KALRN: variants seen among roughly 807,000 people sequenced by gnomAD.
KALRN encodes the protein kalirin.
KALRN carries 70 observed loss-of-function variants against 353.7 expected under a neutral mutation model. The observed-to-expected ratio is 0.20, with a 90% CI of 0.16 to 0.24. The LOEUF (loss-of-function observed/expected upper bound fraction) is 0.24, where lower values mean the gene tolerates loss of function less well. KALRN is among the 10% of genes least tolerant of loss of function. KALRN has a pLI of 1.00. For synonymous variants in KALRN, 1,391 were observed against 1,434.8 expected, an observed-to-expected ratio of 0.97 and a Z score of 0.69; for missense variants, 2,791 against 3,756.7, an observed-to-expected ratio of 0.74 and a Z score of 6.72.
chr3:124,231,437 C>T (rs1422434020), intron 2 of KALRN, among the ~76,000 whole-genome samples: 1 of 152,222 alleles, frequency 6.6e-6, no homozygotes, highest in Non-Finnish European at 1.5e-5. Context: ...GCCTCCCTAT[C>T]TCCCACCAAT....
At chr3:124,221,594 AT>A (rs2077912031) in intron 1 of KALRN, among the ~76,000 whole-genome samples, 1 of 152,134 alleles carries the variant, frequency 6.6e-6, no homozygotes, top group Non-Finnish European at 1.5e-5. Context: ...TTAGAGAGAG[AT>A]TTAAGAGGTA....
At chr3:124,244,890 A>G (rs536277289) in intron 3 of KALRN, among the ~76,000 whole-genome samples, 1 of 152,148 alleles carries the variant, frequency 6.6e-6, no homozygotes, top group South Asian at 2.1e-4. Flanking sequence ...GTACATATTT[A>G]TAGGGTGCAT....
rs904654266 is a variant in KALRN, at chr3:124,724,778, TATG to T, written c.*5310_*5312del. 3.3e-5 allele frequency: 5 copies of T among 152,316 alleles called. No individual in the cohort carries two copies. The highest frequency in any genetic ancestry group is 3.3e-4 in the Admixed American group (5 of 15,304). The allele number at this position is 152,316 out of a possible 1,614,324, so 9.4% of individuals were successfully genotyped here. A position where few individuals can be genotyped will look rare whatever the true frequency, so the allele number is the denominator to read the frequency against. On this transcript the variant is annotated 3_prime_UTR_variant, in exon 60 of 60. Transcript: ENST00000682506. Reference sequence around the variant, plus strand: ...GCATTTCTTCCTCATCTTCAATAAATATGAAGAAGTTAGAGGAGAGGAAAAAGC... The same window carrying T: ...GCATTTCTTCCTCATCTTCAATAAATAAGAAGTTAGAGGAGAGGAAAAAGC...
chr3:124,574,500 A>G (rs1027184635), intron 34 of KALRN, among the ~76,000 whole-genome samples: 4 of 114,390 alleles, frequency 3.5e-5, no homozygotes, highest in African/African-American at 1.6e-4. Flanking sequence ...GCAAACTTGA[A>G]TATGCTCTTT....
chr3:124,159,698 T>C (rs1345330580), intron 1 of KALRN, among the ~76,000 whole-genome samples: 1 of 152,092 alleles, frequency 6.6e-6, no homozygotes, highest in East Asian at 1.9e-4. Flanking sequence ...GGGTAGGAAC[T>C]GTTAGACCCT....
At chr3:124,418,138 CTG>C (rs2092603458) in intron 14 of KALRN, among the ~76,000 whole-genome samples, 1 of 146,812 alleles carries the variant, frequency 6.8e-6, no homozygotes, top group Admixed American at 7.1e-5. Context: ...GAAAAAAAAT[CTG>C]TGGGCTTTTT....
Position 124,719,146 on chromosome 3 carries a change from C to T in KALRN, c.8637C>T (p.Pro2879=), listed in dbSNP as rs553321023. 2.5e-6 allele frequency: 4 copies of T among 1,614,260 alleles called. No homozygotes were observed. The highest frequency in any genetic ancestry group is 4.5e-5 in the East Asian group (2 of 44,892). The change falls in exon 60 of 60, where the codon CCC becomes CCT. Residue 2879 remains proline (P), a synonymous_variant. Transcript: ENST00000682506. The surrounding 1 kb of genome is among the most constrained non-coding windows in gnomAD (Gnocchi z 5.3). ...LTYVMLSGVS[P]FLDESKEETC... is the part of the protein sequence containing the mutation. ...ATGTCATGCTGAGTGGGGTCTCCCC[C>T]TTCTTGGATGAGAGCAAAGAGGAGA...
At chr3:124,518,527 C>G in intron 33 of KALRN, 2 of 1,612,576 alleles carry the variant, frequency 1.2e-6, no homozygotes, top group Non-Finnish European at 1.7e-6. Context: ...GGACCTCCCA[C>G]CAGGACTCCA....
chr3:124,490,910 A>G (rs2063084675), intron 30 of KALRN, 26 bp downstream of exon 30: 1 of 1,586,192 alleles, frequency 6.3e-7, no homozygotes, highest in South Asian at 1.1e-5. Context: ...GGGGTAAGAC[A>G]AGACTCCCTG....
chr3:124,559,538 G>T (rs1364126287), intron 33 of KALRN, among the ~76,000 whole-genome samples: 1 of 152,180 alleles, frequency 6.6e-6, no homozygotes. Context: ...TACAGTGAGG[G>T]GAGTAAGATG....
At chr3:124,316,494 G>A (rs906308388) in intron 6 of KALRN, among the ~76,000 whole-genome samples, 1 of 152,118 alleles carries the variant, frequency 6.6e-6, no homozygotes, top group South Asian at 2.1e-4. Flanking sequence ...CATTTGTCCC[G>A]GTCATCCTGG....
At chr3:124,159,443 T>C (rs1323493159) in intron 1 of KALRN, among the ~76,000 whole-genome samples, 1 of 152,084 alleles carries the variant, frequency 6.6e-6, no homozygotes, top group Non-Finnish European at 1.5e-5. Flanking sequence ...ACCCATTTTT[T>C]GTATTTTTTG....
chr3:124,636,336 G>C (rs1263008392), intron 36 of KALRN, among the ~76,000 whole-genome samples: 1 of 152,118 alleles, frequency 6.6e-6, no homozygotes, highest in African/African-American at 2.4e-5. Flanking sequence ...TTCTCAGGTA[G>C]AAGAAGGAAG....
At chr3:124,053,122 G>A (rs141204524) in intron 1 of KALRN, among the ~76,000 whole-genome samples, 1 of 152,194 alleles carries the variant, frequency 6.6e-6, no homozygotes, top group Non-Finnish European at 1.5e-5. Flanking sequence ...CTATAGCCTC[G>A]ACCTCTTGGG....
At chr3:124,049,562 G>A (rs554887720) in intron 1 of KALRN, among the ~76,000 whole-genome samples, 5 of 152,288 alleles carry the variant, frequency 3.3e-5, no homozygotes, top group Non-Finnish European at 4.4e-5. Flanking sequence ...GGTCTCCTTC[G>A]GTTTTGAGTG....
intron 3 of KALRN, among the ~76,000 whole-genome samples, chr3:124,261,773 A>G (rs1196810754): frequency 6.6e-6 from 1 of 152,210 alleles, no homozygotes; most frequent in Non-Finnish European, 1.5e-5. Flanking sequence ...AATAAGGAAG[A>G]CAATCATCTC....
At chr3:124,294,413 C>G (rs1028790904) in intron 5 of KALRN, among the ~76,000 whole-genome samples, 3 of 151,510 alleles carry the variant, frequency 2.0e-5, no homozygotes, top group Non-Finnish European at 2.9e-5. Context: ...ATGATAGCAC[C>G]TTGTGGGATT....
At chr3:124,168,860 A>G (rs1397035792) in intron 1 of KALRN, among the ~76,000 whole-genome samples, 1 of 152,200 alleles carries the variant, frequency 6.6e-6, no homozygotes, top group Non-Finnish European at 1.5e-5. Context: ...CTTCATTGTC[A>G]ACACTACCTC....
At chr3:124,105,682 G>C (rs2062236857) in intron 1 of KALRN, among the ~76,000 whole-genome samples, 1 of 152,146 alleles carries the variant, frequency 6.6e-6, no homozygotes, top group African/African-American at 2.4e-5. Context: ...CATTGTTTCA[G>C]CACCTCAATG....
Sources: allele counts gnomAD v4.1 joint callset (sites outside exome capture counted in the v4.1 genomes callset), GRCh38; gene constraint gnomAD v4.1.1; non-coding constraint Gnocchi (gnomAD v3.1); transcripts MANE v1.5; gene names NCBI Gene and HGNC (gene_info 2026-07-23, HGNC 2026-07-21).